The following DEPDC5 variants were observed in gnomAD, a reference collection of about 807,000 sequenced individuals.
DEPDC5 encodes the protein DEP domain containing 5, GATOR1 subcomplex subunit.
DEPDC5 carries 73 observed loss-of-function variants against 217.3 expected under a neutral mutation model. The observed-to-expected ratio is 0.34, with a 90% confidence interval of 0.28 to 0.41. The LOEUF is 0.41. Ranked by LOEUF, DEPDC5 falls within the 10% of genes least tolerant of loss-of-function variation. DEPDC5 has a pLI of 1.00. For synonymous variants in DEPDC5, 733 were observed against 756.7 expected (o/e 0.97, Z 0.51); for missense variants, 1,675 against 2,070.1 (o/e 0.81, Z 3.70).
intron 26 of DEPDC5, among the ~76,000 whole-genome samples, chr22:31,837,888 A>T (rs770740017): frequency 6.6e-5 from 10 of 151,786 alleles, no homozygotes; most frequent in Non-Finnish European, 1.3e-4. Flanking sequence ...TTTTTAGTAG[A>T]GATAGGGTTT....
At chr22:31,900,791 A>T (rs933816677) in intron 40 of DEPDC5, among the ~76,000 whole-genome samples, 5 of 151,960 alleles carry the variant, frequency 3.3e-5, no homozygotes, top group African/African-American at 9.7e-5. Context: ...AGCAGCTTAC[A>T]TGGTCCAGGC....
intron 9 of DEPDC5, 175 bp downstream of exon 9, chr22:31,784,160 C>G: frequency 2.0e-6 from 1 of 501,308 alleles, no homozygotes; most frequent in Non-Finnish European, 3.4e-6. Flanking sequence ...AGATACACTA[C>G]TTTTTTCAAT....
rs571100969 is a variant in DEPDC5, at chr22:31,843,952, G to A, written c.2801+140G>A. 1.3e-5 allele frequency: 13 copies of A among 996,600 alleles called. No homozygotes were observed. In the East Asian group the frequency reaches 1.8e-4, roughly 14 times the overall value. 61.7% of individuals were successfully genotyped at this position (996,600 alleles called of 1,614,324 possible). On this transcript the variant is annotated intron_variant, in intron 29 of 42. Transcript: ENST00000651528. ...TGTAAAGAGACAGGGTTGACTGGGC[G>A]CGGTGGCTCATGCCTGTAATCCCAG...
rs2091771833 is a variant in DEPDC5, at chr22:31,846,945, T to C, written c.3133T>C (p.Leu1045=). Residue 1045 remains leucine (L), a synonymous_variant, in exon 31 of 43, where the codon TTG becomes CTG. Transcript: ENST00000651528. ...GGGAACCTCAGCTCTCTCTGCCCTG[T>C]TGGAGATGGAGGCCAGTCAGAAGTA... is the stretch of plus-strand genomic sequence containing the variant. ...KKGTSALSAL[L]EMEASQKCLG... is the part of the protein sequence containing the mutation. The C allele has an allele frequency of 3.1e-6, 5 of 1,614,122 alleles. No homozygotes were observed. Among genetic ancestry groups the C allele is most frequent in the South Asian group, 1.1e-5 (1 of 91,090 alleles).
At chr22:31,781,225 AC>A (rs376056898) in intron 8 of DEPDC5, among the ~76,000 whole-genome samples, 3,350 of 141,250 alleles carry the variant, frequency 0.024, 54 homozygotes, top group African/African-American at 0.039. Context: ...TCAAAAACAA[AC>A]AAACAAACAA....
At chr22:31,821,765 C>G in intron 23 of DEPDC5, 128 bp downstream of exon 23, 2 of 1,349,314 alleles carry the variant, frequency 1.5e-6, no homozygotes, top group Non-Finnish European at 2.0e-6. Context: ...AGGTCAGGGC[C>G]TTCCTTTGTT....
At chr22:31,798,714 G>A (rs144628037) in intron 14 of DEPDC5, 58 bp downstream of exon 14, 27,489 of 1,547,546 alleles carry the variant, frequency 0.018, 276 homozygotes, top group South Asian at 0.023. Flanking sequence ...CTATGTTACC[G>A]GAAAGGTGTC....
chr22:31,906,924 A>G lies in DEPDC5; in HGVS notation c.*427A>G. The G allele has an allele frequency of 3.8e-6, 1 of 260,498 alleles. No individual in the cohort carries two copies. Among genetic ancestry groups the G allele is most frequent in the South Asian group, 6.0e-5 (1 of 16,562 alleles). 16.1% of individuals were successfully genotyped at this position (260,498 alleles called of 1,614,324 possible). A position where few individuals can be genotyped will look rare whatever the true frequency, so the allele number is the denominator to read the frequency against. On this transcript the variant is annotated 3_prime_UTR_variant, in exon 43 of 43. Transcript: ENST00000651528. This position sits in a 1 kb window ranked among gnomAD's most constrained non-coding sequence, Gnocchi z 5.1. The stretch of plus-strand genomic sequence containing the variant: ...CTTGCCCAGGAGTGTGCACAGATGT[A>G]AGATAATTTTGTGAAATAATGTACC...
intron 13 of DEPDC5, among the ~76,000 whole-genome samples, chr22:31,798,175 C>T (rs1274289703): frequency 1.3e-4 from 20 of 152,122 alleles, no homozygotes; most frequent in East Asian, 1.9e-4. Flanking sequence ...TTCCTGCCTC[C>T]ACCTTCCAAA....
intron 31 of DEPDC5, among the ~76,000 whole-genome samples, chr22:31,850,615 T>C (rs1293774702): frequency 1.3e-5 from 2 of 152,176 alleles, no homozygotes; most frequent in Non-Finnish European, 2.9e-5. Flanking sequence ...GTTAGGACTA[T>C]TGTAATGCAA....
intron 31 of DEPDC5, among the ~76,000 whole-genome samples, chr22:31,855,772 A>G (rs1192266491): frequency 6.6e-6 from 1 of 152,038 alleles, no homozygotes; most frequent in East Asian, 1.9e-4. Context: ...GTAGGGGTTC[A>G]TTATATTGTC....
chr22:31,879,877 C>A, intron 38 of DEPDC5, 125 bp downstream of exon 38: 1 of 928,354 alleles, frequency 1.1e-6, no homozygotes, highest in Non-Finnish European at 1.6e-6. Flanking sequence ...TCACACAGGC[C>A]ACTGTGTCTG....
chr22:31,775,780 A>AC (rs1171054416), intron 7 of DEPDC5, among the ~76,000 whole-genome samples: 1 of 151,924 alleles, frequency 6.6e-6, no homozygotes, highest in East Asian at 2.0e-4. Flanking sequence ...AGTGGCTCAC[A>AC]CCTGTAAACC....
intron 27 of DEPDC5, 111 bp downstream of exon 27, chr22:31,838,956 A>G (rs766779686): frequency 1.3e-5 from 16 of 1,215,200 alleles, no homozygotes; most frequent in Admixed American, 7.9e-5. Flanking sequence ...TTTTCGACAT[A>G]GAAGTTTTCT....
chr22:31,903,950 T>C (rs1326419789), intron 41 of DEPDC5, among the ~76,000 whole-genome samples: 2 of 152,116 alleles, frequency 1.3e-5, no homozygotes, highest in Non-Finnish European at 2.9e-5. Flanking sequence ...GTTTCATATG[T>C]AGCTTTTGCA....
chr22:31,823,035 T>C (rs1361593053), intron 24 of DEPDC5: 1 of 447,598 alleles, frequency 2.2e-6, no homozygotes, highest in Non-Finnish European at 4.2e-6. Context: ...AGAGTTGTGA[T>C]TGAGGGCAGC....
chr22:31,760,783 G>T, intron 4 of DEPDC5, 81 bp downstream of exon 4: 1 of 1,156,870 alleles, frequency 8.6e-7, no homozygotes, highest in South Asian at 1.4e-5. Flanking sequence ...TAATTTCAAG[G>T]GATGAGGGCA....
rs190849109 is a variant in DEPDC5, at chr22:31,889,324, C to G, written c.4034-4258C>G. ...AACATATGTACTGCCAAATCTATCC[C>G]CAAAGTACAGGGCCAGTAGTATCTT... On this transcript the variant is annotated intron_variant, in intron 38 of 42. Transcript: ENST00000651528. Among the ~76,000 whole-genome samples the G allele has an allele frequency of 1.9e-4, 29 of 152,294 alleles. 1 individual carries two copies. In the East Asian group the frequency reaches 5.4e-3, roughly 28 times the overall value.
rs1163997142 is a variant in DEPDC5 at position 31,897,692 on chromosome 22, A to G, written c.4375+39A>G. The G allele has an allele frequency of 1.9e-6, 3 of 1,606,242 alleles. No individual in the cohort carries two copies. In the South Asian group the frequency reaches 3.3e-5, roughly 18 times the overall value. ...CCTTCTGGAGGTTGTCTCAACCAGT[A>G]AGACCCCGTCCCTAACAAGGACACC... is the stretch of plus-strand genomic sequence containing the variant. On this transcript the variant is annotated intron_variant, in intron 40 of 42. Coordinates refer to ENST00000651528, the MANE Select transcript of DEPDC5 (RefSeq NM_001242896.3).
Sources: allele counts gnomAD v4.1 joint callset (sites outside exome capture counted in the v4.1 genomes callset), GRCh38; gene constraint gnomAD v4.1.1; non-coding constraint Gnocchi (gnomAD v3.1); transcripts MANE v1.5; gene names NCBI Gene and HGNC (gene_info 2026-07-23, HGNC 2026-07-21).